Variants in HEY1 observed in about 807,000 individuals in gnomAD.
HEY1 encodes the protein hes related family bHLH transcription factor with YRPW motif 1.
Under a neutral mutation model 28.7 loss-of-function variants are expected in HEY1, and 9 were observed. That is an observed-to-expected ratio of 0.31 (90% confidence interval 0.19 to 0.55). HEY1 has a LOEUF of 0.55. HEY1 is among the 20% of genes least tolerant of loss of function. HEY1 has a pLI of 0.93. For missense variants in HEY1, 385 were observed against 399.4 expected, an observed-to-expected ratio of 0.96 and a Z score of 0.31; for synonymous variants, 213 against 175.6, an observed-to-expected ratio of 1.21 and a Z score of -1.68.
rs974665035 is a variant in HEY1, at chr8:79,765,643, G to C, written c.460C>G (p.Leu154Val). ...LDASDPLRVR[L>V]VSHLNNYASQ... ...GCGTAGTTGTTGAGATGCGAAACCAGTCGAACTCGAAGCGGGTCAGAGGCA... is the reference window on the plus strand; with the variant it reads ...GCGTAGTTGTTGAGATGCGAAACCACTCGAACTCGAAGCGGGTCAGAGGCA... The change falls in exon 5 of 5, where the codon CTG (leucine) becomes GTG (valine). Residue 154 changes from leucine (L) to valine (V), a missense_variant. Coordinates refer to ENST00000354724, the MANE Select transcript of HEY1 (RefSeq NM_012258.4). 2 of 1,614,138 alleles carry C rather than the reference G, an allele frequency of 1.2e-6. No homozygotes were observed. Among genetic ancestry groups the C allele is most frequent in the Non-Finnish European group, 1.7e-6 (2 of 1,180,052 alleles).
Position 79,765,238 on chromosome 8 carries a change from T to C in HEY1, c.865A>G (p.Asn289Asp). Residue 289 changes from asparagine to aspartate, a missense_variant, in exon 5 of 5, where the codon AAC (asparagine) becomes GAC (aspartate). Asn to Asp is a conservative substitution (Grantham distance 23). This residue lies in a region of HEY1 where 223 missense variants were observed against 215.9 expected (regional missense o/e 1.03). Transcript: ENST00000354724. The stretch of plus-strand genomic sequence containing the variant: ...CAAGGTCTATAGGGCTTGCCAAGGT[T>C]TGCAGCCTGCGTGGGTGCTGAAGGG... Reference protein sequence around the residue: ...LSPSAPTQAANLGKPYRPWGT... With the variant: ...LSPSAPTQAADLGKPYRPWGT... 3 of 1,553,570 alleles carry C rather than the reference T, an allele frequency of 1.9e-6. No individual in the cohort carries two copies. The highest frequency in any genetic ancestry group is 1.7e-6 in the Non-Finnish European group (2 of 1,147,726).
At chr8:79,766,239 A>G (rs957892748) in intron 4 of HEY1, 2 of 1,533,908 alleles carry the variant, frequency 1.3e-6, no homozygotes, top group Non-Finnish European at 1.7e-6. Flanking sequence ...CTTAACCAGA[A>G]TACATTTCTT....
At chr8:79,766,225 T>C in intron 4 of HEY1, 1 of 1,535,210 alleles carries the variant, frequency 6.5e-7, no homozygotes, top group Non-Finnish European at 8.7e-7. Context: ...TTAGGTTTCC[T>C]TTACTTAACC....
At position 79,765,403 on chromosome 8, in the gene HEY1, T is replaced by G; in HGVS notation, c.700A>C (p.Ser234Arg). 19 of 1,608,114 alleles carry G rather than the reference T, an allele frequency of 1.2e-5. No individual in the cohort carries two copies. The highest frequency in any genetic ancestry group is 1.6e-5 in the Non-Finnish European group (19 of 1,177,352). The change falls in exon 5 of 5, where the codon AGC (serine) becomes CGC (arginine). Residue 234 changes from serine (S) to arginine (R), a missense_variant. By Grantham distance (110) the Ser-to-Arg change is moderately radical. This residue lies in a region of HEY1 where 223 missense variants were observed against 215.9 expected (regional missense o/e 1.03). Coordinates refer to ENST00000354724, the MANE Select transcript of HEY1 (RefSeq NM_012258.4). ...GGGAGCACCGGTCCGAGGCTGCCGC[T>G]AGGGGGCGCTCGCAAAGCAGGCGCC... is the stretch of plus-strand genomic sequence containing the variant. Reference protein sequence around the residue: ...PEAPALRAPPSGSLGPVLPVV... With the variant: ...PEAPALRAPPRGSLGPVLPVV...
chr8:79,767,554 G>A, intron 1 of HEY1, 21 bp downstream of exon 1: 1 of 1,587,010 alleles, frequency 6.3e-7, no homozygotes, highest in Non-Finnish European at 8.6e-7. Context: ...GCTCGGCTCC[G>A]CTCCGCCGCC....
intron 3 of HEY1, 121 bp from the exon 4 acceptor site, chr8:79,766,853 A>G (rs1045552764): frequency 1.8e-5 from 23 of 1,265,390 alleles, no homozygotes; most frequent in Non-Finnish European, 2.6e-5. Context: ...GACTAAAGCA[A>G]AATCAGTTGT....
intron 4 of HEY1, 179 bp downstream of exon 4, chr8:79,766,472 C>T: frequency 6.7e-7 from 1 of 1,499,974 alleles, no homozygotes. Flanking sequence ...GTGGTGAATT[C>T]ACTGGAGAAG....
intron 2 of HEY1, 28 bp from the exon 3 acceptor site, chr8:79,767,120 G>A (rs377204964): frequency 6.9e-6 from 11 of 1,597,250 alleles, no homozygotes; most frequent in East Asian, 4.5e-5. Flanking sequence ...AACAAAGGAA[G>A]GCATTACCAT....
In HEY1 at chr8:79,767,312, A is replaced by G; in HGVS notation, c.90-18T>C. Reference sequence around the variant, plus strand: ...TCAAGTTTCTGAAAAGAGAAAAAGAACAAACAAAAACTGAAATCGCCGTTA... The same window carrying G: ...TCAAGTTTCTGAAAAGAGAAAAAGAGCAAACAAAAACTGAAATCGCCGTTA... On this transcript the variant is annotated intron_variant, in intron 1 of 4. Transcript: ENST00000354724. 2 of 1,601,784 alleles carry G rather than the reference A, an allele frequency of 1.2e-6. No homozygotes were observed. The highest frequency in any genetic ancestry group is 1.1e-5 in the South Asian group (1 of 89,996).
Position 79,764,411 on chromosome 8 carries a change from G to A in HEY1, c.*777C>T. The A allele has an allele frequency of 4.4e-6, 1 of 226,518 alleles. No individual in the cohort carries two copies. The highest frequency in any genetic ancestry group is 8.8e-6 in the Non-Finnish European group (1 of 113,876). The allele number at this position is 226,518 out of a possible 1,614,324, so 14.0% of individuals were successfully genotyped here. ...CTTTGTGTTGCTGGGGCTGGTAAAT[G>A]CAGGCGTATTCTATTCAATTACCTT... is the stretch of plus-strand genomic sequence containing the variant. On this transcript the variant is annotated 3_prime_UTR_variant, in exon 5 of 5. Transcript: ENST00000354724.
At position 79,764,337 on chromosome 8, in the gene HEY1, C is replaced by G. The variant is rs142687555; in HGVS notation, c.*851G>C. On this transcript the variant is annotated 3_prime_UTR_variant, in exon 5 of 5. Transcript: ENST00000354724. ...ATTGACCACTCGCACACCATGATCA[C>G]TTATCCATGTTAACATTTGTGAATT... The G allele has an allele frequency of 9.5e-4, 215 of 226,680 alleles. No individual in the cohort carries two copies. Among genetic ancestry groups the G allele is most frequent in the African/African-American group, 4.6e-3 (209 of 45,066 alleles). The allele number at this position is 226,680 out of a possible 1,614,324, so 14.0% of individuals were successfully genotyped here. A position where few individuals can be genotyped will look rare whatever the true frequency, so the allele number is the denominator to read the frequency against.
At chr8:79,766,955 G>T in intron 3 of HEY1, 54 bp downstream of exon 3, 1 of 1,450,264 alleles carries the variant, frequency 6.9e-7, no homozygotes, top group African/African-American at 1.4e-5. Flanking sequence ...ATGAGGGGAA[G>T]ATTCAGAAGG....
chr8:79,766,455 A>G (rs2130489880), intron 4 of HEY1, 196 bp downstream of exon 4: 1 of 1,490,158 alleles, frequency 6.7e-7, no homozygotes, highest in East Asian at 2.3e-5. Context: ...ATCCGCAGAG[A>G]GCTGGGGTGG....
In HEY1 at chr8:79,765,741, T is replaced by G. The variant is rs1309556771; in HGVS notation, c.362A>C (p.Asp121Ala). Reference sequence around the variant, plus strand: ...TTCCCGAAATCCCAAACTCCGATAGTCCATAGCAAGGGCGTGCGCGTCAAA... The same window carrying G: ...TTCCCGAAATCCCAAACTCCGATAGGCCATAGCAAGGGCGTGCGCGTCAAA... The part of the protein sequence containing the change: ...GYFDAHALAM[D>A]YRSLGFRECL... Residue 121 changes from aspartate to alanine, a missense_variant, in exon 5 of 5, where the codon GAC becomes GCC. By Grantham distance (126) the Asp-to-Ala change is moderately radical. Around this residue, in one of 3 missense-constraint regions of HEY1, gnomAD observed 83 missense variants for 122.7 expected, o/e 0.68. Transcript: ENST00000354724. The G allele has an allele frequency of 6.2e-7, 1 of 1,612,780 alleles. No homozygotes were observed. Among genetic ancestry groups the G allele is most frequent in the African/African-American group, 1.3e-5 (1 of 75,026 alleles).
chr8:79,765,471 G>A lies in HEY1; in HGVS notation c.632C>T (p.Thr211Met), dbSNP rs753642622. The change falls in exon 5 of 5, where the codon ACG becomes ATG. Residue 211 changes from threonine to methionine, a missense_variant. Coordinates refer to ENST00000354724, the MANE Select transcript of HEY1 (RefSeq NM_012258.4). ...CAGCCTGCCCTGGTGGTGCGGTTCC[G>A]TGGGTGAGGCCGTGGTGCCCGCGTT... ...HGNAGTTASP[T>M]EPHHQGRLGS... The A allele has an allele frequency of 4.3e-6, 7 of 1,613,264 alleles. No individual in the cohort carries two copies. In the African/African-American group the frequency reaches 6.7e-5, roughly 15 times the overall value.
intron 2 of HEY1, 28 bp from the exon 3 acceptor site, chr8:79,767,120 G>T: frequency 6.3e-7 from 1 of 1,597,248 alleles, no homozygotes; most frequent in Non-Finnish European, 8.6e-7. Context: ...AACAAAGGAA[G>T]GCATTACCAT....
chr8:79,765,004 A>G lies in HEY1; in HGVS notation c.*184T>C. 3.8e-6 allele frequency: 2 copies of G among 520,334 alleles called. No individual in the cohort carries two copies. The highest frequency in any genetic ancestry group is 6.8e-6 in the Non-Finnish European group (2 of 295,376). 32.2% of individuals were successfully genotyped at this position (520,334 alleles called of 1,614,324 possible). ...TTTTTAAAAACTGCTAATACATGAC[A>G]TGATGAAAAAAACATTAAAAAAGAT... On this transcript the variant is annotated 3_prime_UTR_variant, in exon 5 of 5. Coordinates refer to ENST00000354724, the MANE Select transcript of HEY1 (RefSeq NM_012258.4).
In HEY1 at chr8:79,765,530, C is replaced by T. The variant is rs373735166; in HGVS notation, c.573G>A (p.Ala191=). The change falls in exon 5 of 5, where the codon GCG becomes GCA. Residue 191 remains alanine (A), a synonymous_variant. Transcript: ENST00000354724. ...CGTTCTGGGGCAGCAACAGCGGGTG[C>T]GCGATGTGCGGGTGATGTCCGAAGA... ...GTVFGHHPHI[A]HPLLLPQNGH... The T allele has an allele frequency of 2.5e-6, 4 of 1,613,730 alleles. No individual in the cohort carries two copies. The highest frequency in any genetic ancestry group is 2.5e-6 in the Non-Finnish European group (3 of 1,179,974).
intron 4 of HEY1, chr8:79,766,438 T>A: frequency 6.8e-7 from 1 of 1,473,044 alleles, no homozygotes; most frequent in South Asian, 1.4e-5. Context: ...AAAGATGCAC[T>A]AGCTCAATCC....
Sources: gnomAD v4.1 joint callset for allele counts on GRCh38, gnomAD v4.1.1 for gene constraint, gnomAD v4.1.1 regional missense constraint, MANE v1.5 for transcripts, NCBI Gene and HGNC (gene_info 2026-07-23, HGNC 2026-07-21) for gene names.